Variants in HCN1 observed in about 807,000 individuals in gnomAD.
HCN1 encodes hyperpolarization activated cyclic nucleotide gated potassium channel 1.
HCN1 carries 13 observed loss-of-function variants against 78.9 expected under a neutral mutation model. The observed-to-expected ratio is 0.16, with a 90% confidence interval of 0.11 to 0.26. HCN1 has a LOEUF of 0.26. Ranked by LOEUF, HCN1 falls within the 10% of genes least tolerant of loss-of-function variation. The pLI, the probability that HCN1 is intolerant of heterozygous loss-of-function variation, is 1.00. For synonymous variants in HCN1, 552 were observed against 455.5 expected (o/e 1.21, Z -2.70); for missense variants, 810 against 1,154.3 (o/e 0.70, Z 4.32).
chr5:45,422,100 T>G (rs965306147), intron 3 of HCN1, among the ~76,000 whole-genome samples: 2 of 152,178 alleles, frequency 1.3e-5, no homozygotes, highest in African/African-American at 4.8e-5. Context: ...CCTGCCCATG[T>G]GTGGAAGAAA....
chr5:45,393,646 C>A (rs1358367524), intron 4 of HCN1, among the ~76,000 whole-genome samples: 1 of 152,138 alleles, frequency 6.6e-6, no homozygotes, highest in African/African-American at 2.4e-5. Context: ...AAAAACACTT[C>A]TGTAAGATTG....
At chr5:45,436,857 C>T (rs1234398712) in intron 3 of HCN1, among the ~76,000 whole-genome samples, 2 of 152,116 alleles carry the variant, frequency 1.3e-5, no homozygotes, top group African/African-American at 4.8e-5. Flanking sequence ...TACATATAGC[C>T]TAGCTCCCTC....
At chr5:45,373,062 AT>A (rs1747459317) in intron 4 of HCN1, among the ~76,000 whole-genome samples, 1 of 135,416 alleles carries the variant, frequency 7.4e-6, no homozygotes, top group South Asian at 2.2e-4. Flanking sequence ...TATATATAAA[AT>A]ATATGTAGTA....
At chr5:45,546,788 C>A (rs1743239530) in intron 2 of HCN1, among the ~76,000 whole-genome samples, 1 of 151,734 alleles carries the variant, frequency 6.6e-6, no homozygotes, top group Non-Finnish European at 1.5e-5. Context: ...ATCGTTATTC[C>A]AACTATACTA....
intron 2 of HCN1, among the ~76,000 whole-genome samples, chr5:45,486,281 G>T (rs184895535): frequency 6.6e-6 from 1 of 152,188 alleles, no homozygotes; most frequent in African/African-American, 2.4e-5. Context: ...TGATTAATTG[G>T]TAAGTGCTTA....
intron 2 of HCN1, among the ~76,000 whole-genome samples, chr5:45,602,739 T>A (rs970201323): frequency 5.3e-5 from 8 of 152,280 alleles, no homozygotes; most frequent in Admixed American, 4.6e-4. Context: ...CAGATTCAAG[T>A]GCTTGAGAGG....
chr5:45,372,053 A>AT (rs1747387424), intron 4 of HCN1, among the ~76,000 whole-genome samples: 1 of 54,778 alleles, frequency 1.8e-5, no homozygotes, highest in South Asian at 5.0e-4. Flanking sequence ...TTATATATAT[A>AT]ATATAATTAT....
intron 4 of HCN1, among the ~76,000 whole-genome samples, chr5:45,375,327 T>G (rs1747598986): frequency 8.4e-6 from 1 of 118,484 alleles, no homozygotes; most frequent in Non-Finnish European, 1.6e-5. Flanking sequence ...ATATAATATT[T>G]TATGATATAC....
chr5:45,658,653 G>A (rs1036029966), intron 1 of HCN1, among the ~76,000 whole-genome samples: 12 of 151,554 alleles, frequency 7.9e-5, no homozygotes, highest in African/African-American at 1.7e-4. Flanking sequence ...AAGCGCAAGG[G>A]GTCAGGGAGT....
At chr5:45,456,676 A>T (rs1446307622) in intron 3 of HCN1, among the ~76,000 whole-genome samples, 1 of 152,036 alleles carries the variant, frequency 6.6e-6, no homozygotes, top group Non-Finnish European at 1.5e-5. Flanking sequence ...ATTTACTGTG[A>T]TGAGTAATGC....
intron 2 of HCN1, among the ~76,000 whole-genome samples, chr5:45,598,506 G>A (rs190446747): frequency 6.6e-6 from 1 of 152,106 alleles, no homozygotes; most frequent in Non-Finnish European, 1.5e-5. Flanking sequence ...CATACGCATG[G>A]GCAAAGACTT....
chr5:45,621,538 T>TA (rs1308179155), intron 2 of HCN1, among the ~76,000 whole-genome samples: 2 of 152,142 alleles, frequency 1.3e-5, no homozygotes, highest in African/African-American at 4.8e-5. Flanking sequence ...GCATGGGGGA[T>TA]AAAAAATCTA....
intron 2 of HCN1, among the ~76,000 whole-genome samples, chr5:45,498,545 T>G (rs1579932677): frequency 6.6e-6 from 1 of 152,204 alleles, no homozygotes; most frequent in Non-Finnish European, 1.5e-5. Flanking sequence ...CTCCCATTGC[T>G]CGGAGTAATT....
chr5:45,265,303 GCT>G (rs930352253), intron 7 of HCN1, among the ~76,000 whole-genome samples: 26 of 152,254 alleles, frequency 1.7e-4, no homozygotes, highest in African/African-American at 5.8e-4. Flanking sequence ...AGGATGTCTA[GCT>G]GGTTTAGGAA....
At chr5:45,376,966 T>G (rs1157603373) in intron 4 of HCN1, among the ~76,000 whole-genome samples, 2 of 152,000 alleles carry the variant, frequency 1.3e-5, no homozygotes, top group Admixed American at 1.3e-4. Flanking sequence ...GTTTGTCATG[T>G]GAGAAAAATA....
intron 4 of HCN1, among the ~76,000 whole-genome samples, chr5:45,356,751 A>C (rs953454089): frequency 5.3e-5 from 8 of 151,840 alleles, no homozygotes; most frequent in African/African-American, 1.9e-4. Flanking sequence ...AAGTAAAAAA[A>C]CTCCCTCGTT....
intron 7 of HCN1, among the ~76,000 whole-genome samples, chr5:45,263,215 A>T (rs1270019498): frequency 1.3e-5 from 2 of 152,216 alleles, no homozygotes. Context: ...AACACGTACT[A>T]TGTGATAAGC....
At chr5:45,424,460 A>G (rs1175487633) in intron 3 of HCN1, among the ~76,000 whole-genome samples, 2 of 152,160 alleles carry the variant, frequency 1.3e-5, no homozygotes, top group Non-Finnish European at 2.9e-5. Flanking sequence ...GATTAAATTT[A>G]TTTTTTGAGT....
In HCN1 at chr5:45,494,696, A is replaced by T. The variant is rs1403694371; in HGVS notation, c.850-32689T>A. On this transcript the variant is annotated intron_variant, in intron 2 of 7. Coordinates refer to ENST00000303230, the MANE Select transcript of HCN1 (RefSeq NM_021072.4). ...GCCCATGCCTATGTCCTGAATGGTAATGCCTAGGTTTTCTTCTAGGGTTTT... is the reference window on the plus strand; with the variant it reads ...GCCCATGCCTATGTCCTGAATGGTATTGCCTAGGTTTTCTTCTAGGGTTTT... Among the ~76,000 whole-genome samples the T allele has an allele frequency of 1.1e-4, 17 of 151,996 alleles. No individual in the cohort carries two copies. In the East Asian group the frequency reaches 1.4e-3, roughly 12 times the overall value.
Sources: gnomAD v4.1 joint callset for allele counts (sites outside exome capture counted in the v4.1 genomes callset) on GRCh38, gnomAD v4.1.1 for gene constraint, MANE v1.5 for transcripts, NCBI Gene and HGNC (gene_info 2026-07-23, HGNC 2026-07-21) for gene names.